Variants in RASSF5 observed in about 807,000 individuals in gnomAD.
RASSF5 encodes Ras association domain family member 5.
Under a neutral mutation model 40.5 loss-of-function variants are expected in RASSF5, and 25 were observed. That is an observed-to-expected ratio of 0.62 (90% CI 0.45 to 0.86). RASSF5 has a LOEUF of 0.86. Among genes scored for constraint, RASSF5 ranks in the 40% least tolerant of loss-of-function variants. RASSF5 has a pLI of 0.00. For missense variants in RASSF5, 521 were observed against 572.8 expected, an observed-to-expected ratio of 0.91 and a Z score of 0.92; for synonymous variants, 246 against 252.4, an observed-to-expected ratio of 0.97 and a Z score of 0.24.
intron 2 of RASSF5, among the ~76,000 whole-genome samples, chr1:206,550,673 C>T (rs903453585): frequency 9.2e-5 from 14 of 152,178 alleles, no homozygotes; most frequent in African/African-American, 3.4e-4. Context: ...TTCCCAGCAC[C>T]TACCACAAGG....
At chr1:206,512,836 G>C (rs1188838911) in intron 1 of RASSF5, among the ~76,000 whole-genome samples, 2 of 152,244 alleles carry the variant, frequency 1.3e-5, no homozygotes, top group African/African-American at 4.8e-5. Flanking sequence ...AGAATTCTTT[G>C]CATGTCAGTA....
At chr1:206,516,462 C>CTT (rs532073665) in intron 1 of RASSF5, among the ~76,000 whole-genome samples, 1 of 146,320 alleles carries the variant, frequency 6.8e-6, no homozygotes, top group South Asian at 2.2e-4. Context: ...TTACACGTGA[C>CTT]TTTTTTTTTT....
At chr1:206,585,610 T>G in intron 5 of RASSF5, 1 of 223,908 alleles carries the variant, frequency 4.5e-6, no homozygotes, top group Non-Finnish European at 9.0e-6. Flanking sequence ...ACAGGCTGTT[T>G]TTGCTTCAAA....
chr1:206,557,547 C>A (rs1184010145), intron 2 of RASSF5: 12 of 1,612,196 alleles, frequency 7.4e-6, no homozygotes, highest in Middle Eastern at 1.8e-4. Flanking sequence ...GATGCGCTGG[C>A]GGCCTCGGCC....
At chr1:206,517,577 C>G (rs1256869228) in intron 1 of RASSF5, among the ~76,000 whole-genome samples, 2 of 152,170 alleles carry the variant, frequency 1.3e-5, no homozygotes, top group African/African-American at 4.8e-5. Context: ...GGAGGGACAC[C>G]CCTCTCTAGT....
At chr1:206,523,123 G>T (rs1553396359) in intron 1 of RASSF5, among the ~76,000 whole-genome samples, 3 of 151,222 alleles carry the variant, frequency 2.0e-5, no homozygotes, top group Non-Finnish European at 4.4e-5. Context: ...TGGCCAACAT[G>T]GTGAAACCCT....
intron 1 of RASSF5, among the ~76,000 whole-genome samples, chr1:206,534,625 C>G (rs1667333160): frequency 6.6e-6 from 1 of 152,172 alleles, no homozygotes; most frequent in African/African-American, 2.4e-5. Context: ...TTCTGGCTGG[C>G]AACTGTCTCT....
In RASSF5 at chr1:206,585,310, A is replaced by G. The variant is rs1572374954; in HGVS notation, c.1104+15A>G. On this transcript the variant is annotated intron_variant, in intron 5 of 5. Coordinates refer to ENST00000579436, the MANE Select transcript of RASSF5 (RefSeq NM_182663.4). Reference sequence around the variant, plus strand: ...GAGAGGTAGAGGTAGGTCTGGACCCATTGTGCAAACCCAGGCCTTAGGGCA... The same window carrying G: ...GAGAGGTAGAGGTAGGTCTGGACCCGTTGTGCAAACCCAGGCCTTAGGGCA... 1.2e-6 allele frequency: 2 copies of G among 1,603,390 alleles called. No homozygotes were observed.
chr1:206,511,693 C>T (rs1666616693), intron 1 of RASSF5, among the ~76,000 whole-genome samples: 1 of 152,150 alleles, frequency 6.6e-6, no homozygotes, highest in East Asian at 1.9e-4. Context: ...ACTACAAGGC[C>T]CTGCCATGCA....
chr1:206,508,492 G>A (rs182258170), intron 1 of RASSF5, among the ~76,000 whole-genome samples: 85 of 152,258 alleles, frequency 5.6e-4, no homozygotes, highest in African/African-American at 2.0e-3. Flanking sequence ...TTTGACCCTT[G>A]CTTATTAGGG....
chr1:206,537,252 C>T (rs1667440524), intron 1 of RASSF5, among the ~76,000 whole-genome samples: 2 of 152,200 alleles, frequency 1.3e-5, no homozygotes, highest in Admixed American at 6.5e-5. Flanking sequence ...ACTCTGGTCA[C>T]TAAGTCTCTG....
In RASSF5 at chr1:206,552,232, C is replaced by T. The variant is rs1275170073; in HGVS notation, c.579+13939C>T. On this transcript the variant is annotated intron_variant, in intron 2 of 5. Coordinates refer to ENST00000579436, the MANE Select transcript of RASSF5 (RefSeq NM_182663.4). The surrounding 1 kb of genome is among the most constrained non-coding windows in gnomAD (Gnocchi z 4.1). The stretch of plus-strand genomic sequence containing the variant: ...AAGTCATCTGGGGAGACACCGAGCT[C>T]TCTGCTGTACACAGCCATTGAATGC... Among the ~76,000 whole-genome samples, 1 of 152,212 alleles carries T rather than the reference C, an allele frequency of 6.6e-6. No individual in the cohort carries two copies. The highest frequency in any genetic ancestry group is 2.4e-5 in the African/African-American group (1 of 41,454).
intron 1 of RASSF5, chr1:206,529,843 A>T (rs1667191227): frequency 2.7e-6 from 1 of 364,080 alleles, no homozygotes; most frequent in Non-Finnish European, 5.2e-6. Context: ...TGAGCCTGGG[A>T]GGTCAAGGCT....
chr1:206,540,148 A>G (rs1000362944), intron 2 of RASSF5, among the ~76,000 whole-genome samples: 1 of 152,232 alleles, frequency 6.6e-6, no homozygotes, highest in East Asian at 1.9e-4. Context: ...CCTGTTTTGC[A>G]TAGAACAGCC....
In RASSF5 at chr1:206,538,290, C is replaced by T. The variant is rs540298240; in HGVS notation, c.576C>T (p.Ser192=). 4.3e-6 allele frequency: 7 copies of T among 1,613,650 alleles called. 1 individual carries two copies. In the Middle Eastern group the frequency reaches 7.1e-4, roughly 164 times the overall value. Residue 192 remains serine (S), a synonymous_variant, in exon 2 of 6, where the codon AGC becomes AGT. Transcript: ENST00000579436. Reference sequence around the variant, plus strand: ...AAAGCACCCTCACCGTGACCTTCAGCCAGGTAGGTGCCAAAGCTCTCGTAC... The same window carrying T: ...AAAGCACCCTCACCGTGACCTTCAGTCAGGTAGGTGCCAAAGCTCTCGTAC... The part of the protein sequence containing the change: ...SPESTLTVTF[S]QNVCKPVEET...
At chr1:206,566,564 A>C (rs550840882) in intron 2 of RASSF5, among the ~76,000 whole-genome samples, 1 of 152,238 alleles carries the variant, frequency 6.6e-6, no homozygotes, top group East Asian at 1.9e-4. Flanking sequence ...CTCGCTTTGC[A>C]GTGGGGAGCA....
intron 2 of RASSF5, among the ~76,000 whole-genome samples, chr1:206,574,122 C>T (rs1553404706): frequency 6.6e-6 from 1 of 152,178 alleles, no homozygotes; most frequent in African/African-American, 2.4e-5. Flanking sequence ...GCTACTGTTC[C>T]CTGGTATAAC....
intron 2 of RASSF5, chr1:206,542,903 C>T (rs1184267315): frequency 1.3e-5 from 2 of 152,138 alleles, no homozygotes; most frequent in Non-Finnish European, 2.9e-5. Context: ...CAAATTTACT[C>T]CACAAATATT....
intron 2 of RASSF5, among the ~76,000 whole-genome samples, chr1:206,559,389 T>G (rs1668077859): frequency 6.6e-6 from 1 of 152,156 alleles, no homozygotes; most frequent in Non-Finnish European, 1.5e-5. Flanking sequence ...AAGATAACCG[T>G]TTCTGATATT....
Sources: allele counts gnomAD v4.1 joint callset (sites outside exome capture counted in the v4.1 genomes callset), GRCh38; gene constraint gnomAD v4.1.1; non-coding constraint Gnocchi (gnomAD v3.1); transcripts MANE v1.5; gene names NCBI Gene and HGNC (gene_info 2026-07-23, HGNC 2026-07-21).